The following DGUOK variants were observed in gnomAD, a reference collection of about 807,000 sequenced individuals.
DGUOK encodes the protein deoxyguanosine kinase, also known as deoxyguanosine kinase, mitochondrial.
DGUOK carries 30 observed loss-of-function variants against 36.6 expected under a neutral mutation model. That is an observed-to-expected ratio of 0.82 (90% CI 0.61 to 1.11). DGUOK has a LOEUF of 1.11. DGUOK is among the 50% of genes most tolerant of loss of function. The probability of loss-of-function intolerance (pLI) is 0.00; values close to 1 mark genes in which losing one functional copy is unlikely to be tolerated. For missense variants in DGUOK, 361 were observed against 336.4 expected, an observed-to-expected ratio of 1.07 and a Z score of -0.57; for synonymous variants, 145 against 126.3, an observed-to-expected ratio of 1.15 and a Z score of -0.99.
chr2:73,934,415 C>T (rs1014530495), intron 1 of DGUOK, among the ~76,000 whole-genome samples: 8 of 152,104 alleles, frequency 5.3e-5, no homozygotes, highest in African/African-American at 1.9e-4. Context: ...TTTGATGCTG[C>T]TTGTAAGTTC....
rs576479532 is a variant in DGUOK, at chr2:73,932,137, G to GT, written c.142+5086dup. On this transcript the variant is annotated intron_variant, in intron 1 of 6. Transcript: ENST00000264093. ...TTTCAGATGTGGAAGTTGTTGACTGGTGGGTAGAGGGGTAGTTGGTGAAGC... is the reference window on the plus strand; with the variant it reads ...TTTCAGATGTGGAAGTTGTTGACTGGTTGGGTAGAGGGGTAGTTGGTGAAGC... Among the ~76,000 whole-genome samples, 190 of 152,288 alleles carry GT rather than the reference G, an allele frequency of 1.2e-3. 1 individual carries two copies. The highest frequency in any genetic ancestry group is 4.5e-3 in the African/African-American group (186 of 41,556).
At chr2:73,950,527 C>G in intron 3 of DGUOK, 58 bp from the exon 4 acceptor site, 1 of 1,576,070 alleles carries the variant, frequency 6.3e-7, no homozygotes, top group Non-Finnish European at 8.7e-7. Flanking sequence ...CTCTCTCGTG[C>G]CTTTCATTCC....
intron 1 of DGUOK, among the ~76,000 whole-genome samples, chr2:73,936,046 T>A (rs1266911270): frequency 6.6e-6 from 1 of 152,228 alleles, no homozygotes; most frequent in Non-Finnish European, 1.5e-5. Context: ...TAACAATTGT[T>A]CAATCCCAGC....
At chr2:73,946,375 G>GT (rs1682304833) in intron 2 of DGUOK, among the ~76,000 whole-genome samples, 2 of 152,212 alleles carry the variant, frequency 1.3e-5, no homozygotes, top group Non-Finnish European at 2.9e-5. Flanking sequence ...TTAGATGGTT[G>GT]TTGACTGTTA....
intron 1 of DGUOK, among the ~76,000 whole-genome samples, chr2:73,929,756 TGAAAA>T (rs778442306): frequency 5.9e-5 from 9 of 152,116 alleles, no homozygotes; most frequent in African/African-American, 1.7e-4. Flanking sequence ...TTGGTGAACT[TGAAAA>T]GAACAGTTTT....
At chr2:73,949,558 A>G (rs1046929838) in intron 3 of DGUOK, among the ~76,000 whole-genome samples, 2 of 152,208 alleles carry the variant, frequency 1.3e-5, no homozygotes, top group Non-Finnish European at 2.9e-5. Flanking sequence ...CTGAAGTTAC[A>G]TAGCTAGTGA....
chr2:73,958,138 T>C lies in DGUOK; in HGVS notation c.708-8T>C. The stretch of plus-strand genomic sequence containing the variant: ...TTTCTGTCCCCCAAACGTTCACGCT[T>C]CTTATAGGCTCCACTTTGAGGCTCT... On this transcript the variant is annotated splice_polypyrimidine_tract_variant and splice_region_variant and intron_variant, in intron 5 of 6. Coordinates refer to ENST00000264093, the MANE Select transcript of DGUOK (RefSeq NM_080916.3). 2 of 1,612,218 alleles carry C rather than the reference T, an allele frequency of 1.2e-6. No homozygotes were observed. The highest frequency in any genetic ancestry group is 2.2e-5 in the South Asian group (2 of 91,030).
chr2:73,956,066 T>C (rs991635357), intron 4 of DGUOK, among the ~76,000 whole-genome samples: 3 of 152,188 alleles, frequency 2.0e-5, no homozygotes, highest in Admixed American at 2.0e-4. Flanking sequence ...CAAATCTGGC[T>C]AAAGCAGTGA....
At chr2:73,932,594 AC>A in intron 1 of DGUOK, 1 of 1,294,144 alleles carries the variant, frequency 7.7e-7, no homozygotes, top group Non-Finnish European at 1.0e-6. Flanking sequence ...TTCTCTAATC[AC>A]AGGTAACATC....
chr2:73,956,164 G>A (rs537747450), intron 4 of DGUOK, among the ~76,000 whole-genome samples: 1 of 152,268 alleles, frequency 6.6e-6, no homozygotes, highest in East Asian at 1.9e-4. Flanking sequence ...GAGCCAGTGT[G>A]CATCAAACTT....
At chr2:73,952,884 G>A (rs1281217934) in intron 4 of DGUOK, among the ~76,000 whole-genome samples, 3 of 152,104 alleles carry the variant, frequency 2.0e-5, no homozygotes, top group Non-Finnish European at 4.4e-5. Context: ...CCTGAAACTG[G>A]TTAATTTATA....
intron 5 of DGUOK, chr2:73,957,926 T>A: frequency 2.2e-6 from 1 of 453,402 alleles, no homozygotes; most frequent in Middle Eastern, 6.0e-4. Context: ...GCTCTGACTG[T>A]TTGTTAGTAT....
intron 2 of DGUOK, among the ~76,000 whole-genome samples, chr2:73,942,034 T>C (rs985621176): frequency 2.6e-5 from 4 of 151,864 alleles, no homozygotes; most frequent in African/African-American, 7.3e-5. Context: ...CTCAGCCTCC[T>C]GAGTAGCTGG....
At chr2:73,937,135 C>T (rs1681528986) in intron 1 of DGUOK, among the ~76,000 whole-genome samples, 1 of 152,206 alleles carries the variant, frequency 6.6e-6, no homozygotes, top group Non-Finnish European at 1.5e-5. Flanking sequence ...TTGTGTCTTG[C>T]AGACCATGTT....
At chr2:73,942,455 T>G (rs982846059) in intron 2 of DGUOK, among the ~76,000 whole-genome samples, 2 of 152,202 alleles carry the variant, frequency 1.3e-5, no homozygotes, top group African/African-American at 2.4e-5. Flanking sequence ...GCCAGTAGTA[T>G]TCTTGTTTAT....
At chr2:73,927,895 A>AT (rs1158533993) in intron 1 of DGUOK, among the ~76,000 whole-genome samples, 5 of 152,134 alleles carry the variant, frequency 3.3e-5, no homozygotes, top group Non-Finnish European at 7.3e-5. Context: ...CAAACTGAGA[A>AT]TTTCTTTTTT....
chr2:73,947,975 G>T (rs576978305), intron 3 of DGUOK: 2 of 152,270 alleles, frequency 1.3e-5, no homozygotes, highest in South Asian at 2.1e-4. Flanking sequence ...TAAATGACAA[G>T]TGATTTTTCT....
At chr2:73,952,696 T>C (rs998395701) in intron 4 of DGUOK, among the ~76,000 whole-genome samples, 2 of 152,058 alleles carry the variant, frequency 1.3e-5, no homozygotes, top group Admixed American at 6.6e-5. Context: ...GAAGCCAGCA[T>C]TGGGGAGGAG....
At chr2:73,930,003 C>T (rs946386695) in intron 1 of DGUOK, among the ~76,000 whole-genome samples, 11 of 152,042 alleles carry the variant, frequency 7.2e-5, no homozygotes, top group Non-Finnish European at 1.3e-4. Context: ...ATTGGTAAAT[C>T]GGGACAGAGG....
Sources: allele counts gnomAD v4.1 joint callset (sites outside exome capture counted in the v4.1 genomes callset), GRCh38; gene constraint gnomAD v4.1.1; transcripts MANE v1.5; gene names NCBI Gene and HGNC (gene_info 2026-07-23, HGNC 2026-07-21).